The following PJA2 variants were observed in gnomAD, a reference collection of about 807,000 sequenced individuals.
PJA2 encodes E3 ubiquitin-protein ligase Praja-2.
Under a neutral mutation model 69.3 loss-of-function variants are expected in PJA2, and 25 were observed. That is an observed-to-expected ratio of 0.36 (90% CI 0.26 to 0.50). The LOEUF is 0.50. PJA2 is among the 20% of genes least tolerant of loss of function. PJA2 has a pLI of 0.96. For synonymous variants in PJA2, 308 were observed against 277.8 expected (o/e 1.11, Z -1.08); for missense variants, 809 against 830.2 (o/e 0.97, Z 0.31).
chr5:109,397,570 G>A (rs951043460), intron 1 of PJA2, among the ~76,000 whole-genome samples: 1 of 152,008 alleles, frequency 6.6e-6, no homozygotes, highest in Non-Finnish European at 1.5e-5. Context: ...CCAGACTGGA[G>A]GGCAGTGGTG....
At chr5:109,387,072 C>T (rs942909640) in intron 1 of PJA2, among the ~76,000 whole-genome samples, 1 of 152,044 alleles carries the variant, frequency 6.6e-6, no homozygotes, top group African/African-American at 2.4e-5. Context: ...CTAAACTTTT[C>T]TTTCATATTT....
rs148208324 is a variant in PJA2, at chr5:109,365,465, ATATATGCTTT to A, written c.1470-2453_1470-2444del. 7.0e-3 allele frequency among the ~76,000 whole-genome samples: 1,059 copies of A among 152,346 alleles called. 10 individuals are homozygous for A. Among genetic ancestry groups the A allele is most frequent in the African/African-American group, 0.024 (1,001 of 41,580 alleles). ...AAAAAATGAAATGGAACGTGTACAC[ATATATGCTTT>A]TATGTGTACGGAAGATCTTTAGAAG... On this transcript the variant is annotated intron_variant, in intron 5 of 9. Transcript: ENST00000361189.
intron 1 of PJA2, among the ~76,000 whole-genome samples, chr5:109,387,571 G>C (rs1424929839): frequency 7.9e-5 from 12 of 151,986 alleles, no homozygotes; most frequent in South Asian, 6.2e-4. Flanking sequence ...AAACAATTCG[G>C]GGTTTTTACA....
At chr5:109,399,420 G>A (rs571499383) in intron 1 of PJA2, among the ~76,000 whole-genome samples, 1 of 152,146 alleles carries the variant, frequency 6.6e-6, no homozygotes, top group Non-Finnish European at 1.5e-5. Context: ...AGTGTGTGGA[G>A]AAACTTCTCC....
chr5:109,390,092 C>T (rs1462643475), intron 1 of PJA2, among the ~76,000 whole-genome samples: 1 of 151,906 alleles, frequency 6.6e-6, no homozygotes, highest in Non-Finnish European at 1.5e-5. Flanking sequence ...CTATAAATGT[C>T]AATTAGGTTA....
rs908529455 is a variant in PJA2, at chr5:109,378,969, T to C, written c.518A>G (p.Lys173Arg). Reference sequence around the variant, plus strand: ...AAGATGGTCATTATCTTCTCCATGTTTGCCATCTGGATCATAAGAGTCTGT... The same window carrying C: ...AAGATGGTCATTATCTTCTCCATGTCTGCCATCTGGATCATAAGAGTCTGT... ...VHTDSYDPDGKHGEDNDHLQL... is the reference protein window; with the variant it reads ...VHTDSYDPDGRHGEDNDHLQL... Residue 173 changes from lysine (K) to arginine (R), a missense_variant, in exon 4 of 10, where the codon AAA becomes AGA. By Grantham distance (26) the Lys-to-Arg change is conservative. Transcript: ENST00000361189. 1 of 1,614,068 alleles carries C rather than the reference T, an allele frequency of 6.2e-7. No homozygotes were observed. Among genetic ancestry groups the C allele is most frequent in the Non-Finnish European group, 8.5e-7 (1 of 1,180,034 alleles).
At position 109,378,994 on chromosome 5, in the gene PJA2, T is replaced by C. The variant is rs902338036; in HGVS notation, c.493A>G (p.Thr165Ala). 4.3e-6 allele frequency: 7 copies of C among 1,614,086 alleles called. No homozygotes were observed. In the South Asian group the frequency reaches 5.5e-5, roughly 13 times the overall value. ...SVQNGIALVH[T>A]DSYDPDGKHG... ...TTGCCATCTGGATCATAAGAGTCTG[T>C]ATGAACCAATGCAATTCCATTTTGG... Residue 165 changes from threonine (T) to alanine (A), a missense_variant, in exon 4 of 10, where the codon ACA (threonine) becomes GCA (alanine). This residue lies in a region of PJA2 where 700 missense variants were observed against 639.5 expected (regional missense o/e 1.09). Transcript: ENST00000361189.
intron 1 of PJA2, among the ~76,000 whole-genome samples, chr5:109,401,240 C>A (rs1280808079): frequency 6.6e-6 from 1 of 151,982 alleles, no homozygotes; most frequent in Non-Finnish European, 1.5e-5. Flanking sequence ...GCTGAGATGG[C>A]GCCATTGCAC....
intron 7 of PJA2, among the ~76,000 whole-genome samples, chr5:109,350,853 T>G (rs1762238714): frequency 6.6e-6 from 1 of 152,110 alleles, no homozygotes; most frequent in African/African-American, 2.4e-5. Context: ...AAGGGGCCCG[T>G]GGGTATGGAC....
At chr5:109,404,002 C>T (rs1582634055) in intron 1 of PJA2, among the ~76,000 whole-genome samples, 2 of 151,668 alleles carry the variant, frequency 1.3e-5, no homozygotes, top group Admixed American at 6.6e-5. Flanking sequence ...ACCCAGGAGG[C>T]GGAGGCTGTA....
intron 4 of PJA2, among the ~76,000 whole-genome samples, chr5:109,369,339 A>T (rs1762634936): frequency 6.6e-6 from 1 of 152,064 alleles, no homozygotes; most frequent in Non-Finnish European, 1.5e-5. Context: ...GTAGAGTGTG[A>T]CTCTTTGAAA....
chr5:109,405,637 GAA>G (rs1261626182), intron 1 of PJA2, among the ~76,000 whole-genome samples: 7 of 152,180 alleles, frequency 4.6e-5, no homozygotes, highest in Non-Finnish European at 1.0e-4. Flanking sequence ...ATTCAATGGG[GAA>G]AGGAAAGTAG....
At chr5:109,360,792 G>C in intron 6 of PJA2, among the ~76,000 whole-genome samples, 1 of 152,186 alleles carries the variant, frequency 6.6e-6, no homozygotes, top group Middle Eastern at 3.2e-3. Context: ...GATCATCAGT[G>C]AATTAGAACC....
chr5:109,354,019 T>G (rs1005806569), intron 7 of PJA2, among the ~76,000 whole-genome samples: 1 of 133,982 alleles, frequency 7.5e-6, no homozygotes, highest in Non-Finnish European at 1.6e-5. Flanking sequence ...AGATTAGATA[T>G]CTATGATATC....
In PJA2 at chr5:109,387,649, C is replaced by T. The variant is rs79588277; in HGVS notation, c.-87-4129G>A. Among the ~76,000 whole-genome samples, 1,137 of 152,248 alleles carry T rather than the reference C, an allele frequency of 7.5e-3. 14 individuals carry two copies. Among genetic ancestry groups the T allele is most frequent in the African/African-American group, 0.026 (1,067 of 41,550 alleles). On this transcript the variant is annotated intron_variant, in intron 1 of 9. Transcript: ENST00000361189. ...AAGAATTAAAGGACTCAATCAAGGA[C>T]GTATTAATTTCTGGATCTCTGAATT...
At chr5:109,382,997 C>G (rs1471602553) in intron 2 of PJA2, among the ~76,000 whole-genome samples, 1 of 152,012 alleles carries the variant, frequency 6.6e-6, no homozygotes, top group African/African-American at 2.4e-5. Flanking sequence ...TAAATAATAT[C>G]AAGTGTTACA....
At chr5:109,379,642 T>C (rs1372789689) in intron 3 of PJA2, among the ~76,000 whole-genome samples, 1 of 152,228 alleles carries the variant, frequency 6.6e-6, no homozygotes, top group African/African-American at 2.4e-5. Flanking sequence ...CTTTATTATA[T>C]GCAGGTAAAA....
chr5:109,341,968 T>A (rs1479920990), intron 9 of PJA2, among the ~76,000 whole-genome samples: 2 of 98,440 alleles, frequency 2.0e-5, no homozygotes, highest in African/African-American at 3.8e-5. Flanking sequence ...GGAGCCCCTC[T>A]GCCCGGCCAG....
chr5:109,383,511 C>A lies in PJA2; in HGVS notation c.-78G>T. The A allele has an allele frequency of 8.6e-7, 1 of 1,160,608 alleles. No individual in the cohort carries two copies. Among genetic ancestry groups the A allele is most frequent in the Non-Finnish European group, 1.3e-6 (1 of 795,972 alleles). The allele number at this position is 1,160,608 out of a possible 1,614,324, so 71.9% of individuals were successfully genotyped here. A position where few individuals can be genotyped will look rare whatever the true frequency, so the allele number is the denominator to read the frequency against. ...TTTTATTCACACTATGGACAAGCCGCAGAAGATTCCTACAAAGAAACAATG... is the reference window on the plus strand; with the variant it reads ...TTTTATTCACACTATGGACAAGCCGAAGAAGATTCCTACAAAGAAACAATG... On this transcript the variant is annotated 5_prime_UTR_variant, in exon 2 of 10. Transcript: ENST00000361189.
Sources: allele counts gnomAD v4.1 joint callset (sites outside exome capture counted in the v4.1 genomes callset), GRCh38; gene constraint gnomAD v4.1.1; regional missense constraint gnomAD v4.1.1; transcripts MANE v1.5; gene names NCBI Gene and HGNC (gene_info 2026-07-23, HGNC 2026-07-21).